Variants in SCML4 observed in about 807,000 individuals in gnomAD.
SCML4 encodes the protein sex comb on midleg-like protein 4.
SCML4 carries 34 observed loss-of-function variants against 41.1 expected under a neutral mutation model. That is an observed-to-expected ratio of 0.83 (90% confidence interval 0.63 to 1.10). SCML4 has a LOEUF of 1.10. Among genes scored for constraint, SCML4 ranks in the 50% least tolerant of loss-of-function variants. SCML4 has a pLI of 0.00. For missense variants in SCML4, 522 were observed against 534.1 expected (o/e 0.98, Z 0.22); for synonymous variants, 214 against 220.9 (o/e 0.97, Z 0.28).
intron 6 of SCML4, among the ~76,000 whole-genome samples, chr6:107,716,541 T>C (rs891744163): frequency 6.6e-6 from 1 of 152,078 alleles, no homozygotes; most frequent in Non-Finnish European, 1.5e-5. Flanking sequence ...CAAGCCCCCC[T>C]TTGCCAGGGC....
intron 1 of SCML4, among the ~76,000 whole-genome samples, chr6:107,773,185 G>C (rs747623312): frequency 6.6e-6 from 1 of 152,158 alleles, no homozygotes; most frequent in South Asian, 2.1e-4. Context: ...ATGCTAAAAT[G>C]CCACCAAGGC....
chr6:107,745,343 G>A (rs1481172516), intron 4 of SCML4, 200 bp from the exon 5 acceptor site: 3 of 526,652 alleles, frequency 5.7e-6, no homozygotes, highest in South Asian at 2.6e-5. Context: ...TAGTTGTCAC[G>A]TCTCCTTCGT....
intron 1 of SCML4, among the ~76,000 whole-genome samples, chr6:107,819,091 C>T (rs576623613): frequency 6.6e-6 from 1 of 152,178 alleles, no homozygotes; most frequent in African/African-American, 2.4e-5. Flanking sequence ...TTACTGAATC[C>T]TTTCTGAACT....
In SCML4 at chr6:107,793,159, A is replaced by G. The variant is rs1211082704; in HGVS notation, c.-59-20773T>C. 5.3e-5 allele frequency among the ~76,000 whole-genome samples: 8 copies of G among 152,236 alleles called. No individual in the cohort carries two copies. The South Asian group carries it at 1.7e-3, about 32-fold the overall frequency. ...CCAGAAATGACCCCCAATGATCCCC[A>G]TCTCCTGTGTAGCCCTCTCTCCCCC... On this transcript the variant is annotated intron_variant, in intron 1 of 7. Transcript: ENST00000369020.
At chr6:107,727,949 G>T (rs1776153854) in intron 5 of SCML4, among the ~76,000 whole-genome samples, 1 of 152,212 alleles carries the variant, frequency 6.6e-6, no homozygotes, top group Non-Finnish European at 1.5e-5. Context: ...CTGGCATGAT[G>T]CCTGGAATAG....
chr6:107,845,771 T>A, the SCML4 span, among the ~76,000 whole-genome samples: 2 of 152,232 alleles, frequency 1.3e-5, no homozygotes, highest in Non-Finnish European at 2.9e-5. Context: ...CAGGGCTTTA[T>A]GAGACCCAAA....
At chr6:107,725,929 A>G (rs1159151502) in intron 5 of SCML4, among the ~76,000 whole-genome samples, 3 of 151,816 alleles carry the variant, frequency 2.0e-5, no homozygotes, top group Non-Finnish European at 4.4e-5. Context: ...ATACAAAAAT[A>G]AACTGGGCAT....
At chr6:107,724,696 T>A (rs925930055) in intron 5 of SCML4, among the ~76,000 whole-genome samples, 2 of 152,148 alleles carry the variant, frequency 1.3e-5, no homozygotes, top group African/African-American at 4.8e-5. Flanking sequence ...GGGTGGCAAT[T>A]CCCCTCAAAT....
chr6:107,813,623 C>T (rs144689839), intron 1 of SCML4, among the ~76,000 whole-genome samples: 25 of 151,680 alleles, frequency 1.6e-4, no homozygotes, highest in Non-Finnish European at 3.2e-4. Context: ...GCTACTTTTT[C>T]GGGAGGAAGA....
intron 5 of SCML4, among the ~76,000 whole-genome samples, chr6:107,728,469 C>T (rs1437203349): frequency 2.0e-5 from 3 of 152,076 alleles, no homozygotes; most frequent in Non-Finnish European, 2.9e-5. Context: ...ATTAGCCAAG[C>T]GTGGAGGCAG....
intron 1 of SCML4, among the ~76,000 whole-genome samples, chr6:107,798,909 G>A (rs1308388379): frequency 1.3e-5 from 2 of 151,954 alleles, no homozygotes; most frequent in Non-Finnish European, 2.9e-5. Flanking sequence ...TTTTCCTGAC[G>A]TTTCTGCTAT....
chr6:107,812,860 G>A (rs539364123), intron 1 of SCML4, among the ~76,000 whole-genome samples: 5 of 135,200 alleles, frequency 3.7e-5, no homozygotes, highest in Non-Finnish European at 4.8e-5. Context: ...TTATAGTAGA[G>A]CTCTTTACAC....
intron 5 of SCML4, among the ~76,000 whole-genome samples, chr6:107,729,371 G>GT (rs1198841926): frequency 6.6e-6 from 1 of 152,174 alleles, no homozygotes; most frequent in African/African-American, 2.4e-5. Flanking sequence ...CCACTGTGGT[G>GT]TTTTCTCTGT....
chr6:107,773,589 CAAAAAAAAAAAAA>C (rs5878938), intron 1 of SCML4, among the ~76,000 whole-genome samples: 2 of 76,978 alleles, frequency 2.6e-5, no homozygotes, highest in African/African-American at 4.8e-5. Flanking sequence ...AAGACTGTCT[CAAAAAAAAAAAAA>C]AAAAAAAAAA....
intron 5 of SCML4, among the ~76,000 whole-genome samples, chr6:107,744,470 CTT>C (rs1025423644): frequency 1.3e-5 from 2 of 152,212 alleles, no homozygotes; most frequent in African/African-American, 4.8e-5. Flanking sequence ...ATAATAGACA[CTT>C]TGTTGCACCT....
chr6:107,749,798 G>A lies in SCML4; in HGVS notation c.172C>T (p.Leu58Phe). The A allele has an allele frequency of 1.2e-6, 2 of 1,614,136 alleles. No homozygotes were observed. The highest frequency in any genetic ancestry group is 1.7e-6 in the Non-Finnish European group (2 of 1,180,000). Reference protein sequence around the residue: ...KPGYKIKSRVLMTPLALSPPR... With the variant: ...KPGYKIKSRVFMTPLALSPPR... ...GGTGAGAGGGCTAAGGGAGTCATGAGAACCCGAGACTTGATCTGGAAGAGA... is the reference window on the plus strand; with the variant it reads ...GGTGAGAGGGCTAAGGGAGTCATGAAAACCCGAGACTTGATCTGGAAGAGA... Residue 58 changes from leucine (L) to phenylalanine (F), a missense_variant, in exon 3 of 8, where the codon CTC (leucine) becomes TTC (phenylalanine). Physicochemically the swap from Leu to Phe is conservative, Grantham distance 22. Coordinates refer to ENST00000369020, the MANE Select transcript of SCML4 (RefSeq NM_198081.5).
intron 1 of SCML4, among the ~76,000 whole-genome samples, chr6:107,785,296 G>A (rs1186505695): frequency 6.6e-6 from 1 of 152,206 alleles, no homozygotes; most frequent in South Asian, 2.1e-4. Flanking sequence ...TGTGTCCCTT[G>A]TCCTAGAGGA....
intron 1 of SCML4, among the ~76,000 whole-genome samples, chr6:107,803,609 G>T (rs546147000): frequency 1.4e-5 from 2 of 144,854 alleles, no homozygotes; most frequent in Non-Finnish European, 3.0e-5. Context: ...GAATAGAAAC[G>T]GGGGAAAGGT....
At chr6:107,841,017 G>A in the SCML4 span, among the ~76,000 whole-genome samples, 1 of 152,032 alleles carries the variant, frequency 6.6e-6, no homozygotes, top group Non-Finnish European at 1.5e-5. Context: ...TTTTTGTGAT[G>A]ATATCAGAGA....
Sources: allele counts gnomAD v4.1 joint callset (sites outside exome capture counted in the v4.1 genomes callset), GRCh38; gene constraint gnomAD v4.1.1; transcripts MANE v1.5; gene names NCBI Gene and HGNC (gene_info 2026-07-23, HGNC 2026-07-21).